The following SPIDR variants were observed in gnomAD, a reference collection of about 807,000 sequenced individuals.
The protein encoded by SPIDR is DNA repair-scaffolding protein.
Under a neutral mutation model 104.6 loss-of-function variants are expected in SPIDR, and 93 were observed. The ratio of observed to expected loss-of-function variants is 0.89; its 90% CI spans 0.75 to 1.06. The LOEUF (loss-of-function observed/expected upper bound fraction) is 1.06, where lower values mean the gene tolerates loss of function less well. SPIDR is among the 50% of genes least tolerant of loss of function. SPIDR has a pLI of 0.00. For synonymous variants in SPIDR, 431 were observed against 416.9 expected (o/e 1.03, Z -0.41); for missense variants, 1,154 against 1,111.2 (o/e 1.04, Z -0.55).
intron 5 of SPIDR, among the ~76,000 whole-genome samples, chr8:47,391,152 C>T (rs1270238545): frequency 6.6e-6 from 1 of 152,122 alleles, no homozygotes; most frequent in Non-Finnish European, 1.5e-5. Flanking sequence ...GGGTTATGGA[C>T]GTGGGGGATA....
intron 8 of SPIDR, among the ~76,000 whole-genome samples, chr8:47,579,216 G>C (rs976003248): frequency 6.6e-6 from 1 of 152,166 alleles, no homozygotes; most frequent in African/African-American, 2.4e-5. Flanking sequence ...ACTGATGCAG[G>C]TGTCCAAAGT....
In SPIDR at chr8:47,736,015, G is replaced by A. The variant is rs1414042570; in HGVS notation, c.*565G>A. ...TAGCTCTCTGAACTGGTGTGATCGT[G>A]TCTCTGCTGAATGGTGGTGGGGATA... On this transcript the variant is annotated 3_prime_UTR_variant, in exon 20 of 20. Transcript: ENST00000297423. 2 of 170,170 alleles carry A rather than the reference G, an allele frequency of 1.2e-5. No individual in the cohort carries two copies. The highest frequency in any genetic ancestry group is 4.8e-5 in the African/African-American group (2 of 41,482). 10.5% of individuals were successfully genotyped at this position (170,170 alleles called of 1,614,324 possible). A position where few individuals can be genotyped will look rare whatever the true frequency, so the allele number is the denominator to read the frequency against.
At chr8:47,336,497 G>A (rs115660207) in intron 5 of SPIDR, among the ~76,000 whole-genome samples, 1 of 152,116 alleles carries the variant, frequency 6.6e-6, no homozygotes, top group Non-Finnish European at 1.5e-5. Flanking sequence ...AGGAAAAAAT[G>A]TAACAATGTG....
chr8:47,734,187 G>A (rs956496940), intron 19 of SPIDR, among the ~76,000 whole-genome samples: 2 of 152,164 alleles, frequency 1.3e-5, no homozygotes, highest in Admixed American at 6.5e-5. Context: ...AGGCTCCTAC[G>A]TCCAGGCCAC....
rs34902790 is a variant in SPIDR at position 47,355,271 on chromosome 8, TAA to T, written c.526-41085_526-41084del. ...ATGCCTGGCCGATGAAGGTTTTTTG[TAA>T]AAAAAAAAAAAAAAAAAAATACTGC... On this transcript the variant is annotated intron_variant, in intron 5 of 19. Transcript: ENST00000297423. 5.7e-3 allele frequency among the ~76,000 whole-genome samples: 666 copies of T among 116,530 alleles called. 6 individuals carry two copies. The highest frequency in any genetic ancestry group is 0.019 in the African/African-American group (562 of 30,202). The allele number at this position is 116,530 out of a possible 152,430, so 76.4% of individuals were successfully genotyped here. A position where few individuals can be genotyped will look rare whatever the true frequency, so the allele number is the denominator to read the frequency against.
At chr8:47,275,702 A>G (rs2036289920) in intron 1 of SPIDR, among the ~76,000 whole-genome samples, 1 of 152,254 alleles carries the variant, frequency 6.6e-6, no homozygotes, top group Non-Finnish European at 1.5e-5. Context: ...GTAGGAAAAC[A>G]TTAAAATAGT....
At chr8:47,530,481 G>GA (rs139938070) in intron 8 of SPIDR, among the ~76,000 whole-genome samples, 13 of 148,942 alleles carry the variant, frequency 8.7e-5, no homozygotes, top group Admixed American at 3.3e-4. Context: ...CATGGTGTCA[G>GA]AAAAAAAAAA....
chr8:47,453,024 C>T lies in SPIDR; in HGVS notation c.1097+12482C>T, dbSNP rs550200733. The stretch of plus-strand genomic sequence containing the variant: ...GCAGCTTCAGCAAAGTCTCAGGATA[C>T]AAAATCAATGTACAAAAATCACAAG... On this transcript the variant is annotated intron_variant, in intron 8 of 19. Transcript: ENST00000297423. Among the ~76,000 whole-genome samples, 406 of 152,236 alleles carry T rather than the reference C, an allele frequency of 2.7e-3. 5 individuals are homozygous for T. Among genetic ancestry groups the T allele is most frequent in the South Asian group, 0.016 (78 of 4,820 alleles).
intron 8 of SPIDR, chr8:47,547,275 C>A: frequency 5.0e-6 from 3 of 596,924 alleles, no homozygotes; most frequent in Non-Finnish European, 9.9e-6. Context: ...CAAAGCAACC[C>A]TTGGTGTCAT....
chr8:47,417,405 C>G (rs1204102781), intron 7 of SPIDR, among the ~76,000 whole-genome samples: 45 of 152,240 alleles, frequency 3.0e-4, no homozygotes, highest in African/African-American at 1.1e-3. Flanking sequence ...TCATGTGTCT[C>G]TTGGCTGCAT....
At chr8:47,405,275 GCA>G (rs2062572550) in intron 6 of SPIDR, among the ~76,000 whole-genome samples, 1 of 150,670 alleles carries the variant, frequency 6.6e-6, no homozygotes, top group Non-Finnish European at 1.5e-5. Context: ...AACGGGTGCA[GCA>G]CACCAACATG....
chr8:47,262,360 T>G (rs1014504195), intron 1 of SPIDR, among the ~76,000 whole-genome samples: 35 of 152,208 alleles, frequency 2.3e-4, no homozygotes, highest in African/African-American at 8.4e-4. Context: ...CGTACAGTTG[T>G]CTATTGTGTA....
In SPIDR at chr8:47,283,924, G is replaced by A. The variant is rs587682027; in HGVS notation, c.190-104G>A. On this transcript the variant is annotated intron_variant, in intron 2 of 19. Transcript: ENST00000297423. ...TGGTGAATTGGTAAAGGAAATCAGA[G>A]AAGAATATGTTAAGGAGAGTGTAGT... 13 of 755,326 alleles carry A rather than the reference G, an allele frequency of 1.7e-5. No homozygotes were observed. The African/African-American group carries it at 1.9e-4, about 11-fold the overall frequency. The allele number at this position is 755,326 out of a possible 1,614,324, so 46.8% of individuals were successfully genotyped here. A position where few individuals can be genotyped will look rare whatever the true frequency, so the allele number is the denominator to read the frequency against.
At chr8:47,410,658 T>C (rs1430262940) in intron 7 of SPIDR, among the ~76,000 whole-genome samples, 1 of 151,932 alleles carries the variant, frequency 6.6e-6, no homozygotes, top group Non-Finnish European at 1.5e-5. Flanking sequence ...AGAGAAGTCT[T>C]TTTTATTATT....
intron 8 of SPIDR, among the ~76,000 whole-genome samples, chr8:47,583,185 A>C (rs1399561545): frequency 1.3e-5 from 2 of 151,590 alleles, no homozygotes; most frequent in Non-Finnish European, 2.9e-5. Context: ...GGGCGCCTGT[A>C]GTCCCAGCTA....
At chr8:47,661,189 C>G (rs1056946613) in intron 10 of SPIDR, among the ~76,000 whole-genome samples, 6 of 152,212 alleles carry the variant, frequency 3.9e-5, no homozygotes, top group African/African-American at 1.4e-4. Context: ...GAATGGCTCT[C>G]TGGCTGATGG....
chr8:47,268,243 A>T (rs994421170), intron 1 of SPIDR, among the ~76,000 whole-genome samples: 1 of 152,152 alleles, frequency 6.6e-6, no homozygotes, highest in Non-Finnish European at 1.5e-5. Flanking sequence ...AATTACTGTA[A>T]CTTGGCAGTG....
intron 6 of SPIDR, among the ~76,000 whole-genome samples, chr8:47,401,140 G>A (rs552151711): frequency 3.9e-5 from 6 of 152,094 alleles, no homozygotes; most frequent in African/African-American, 1.2e-4. Flanking sequence ...AGAATCTCTC[G>A]GCAGACACTC....
chr8:47,289,056 A>T (rs1343201993), intron 3 of SPIDR, among the ~76,000 whole-genome samples: 3 of 151,994 alleles, frequency 2.0e-5, no homozygotes, highest in Non-Finnish European at 2.9e-5. Flanking sequence ...GTCACTCGGG[A>T]TGGAGTGCTG....
Sources: allele counts gnomAD v4.1 joint callset (sites outside exome capture counted in the v4.1 genomes callset), GRCh38; gene constraint gnomAD v4.1.1; transcripts MANE v1.5; gene names NCBI Gene and HGNC (gene_info 2026-07-23, HGNC 2026-07-21).